ANO2: variants seen among roughly 807,000 people sequenced by gnomAD.
ANO2 encodes the protein anoctamin-2.
Under a neutral mutation model 124.2 loss-of-function variants are expected in ANO2, and 101 were observed. The ratio of observed to expected loss-of-function variants is 0.81; its 90% CI spans 0.69 to 0.96. ANO2 has a LOEUF of 0.96. Among genes scored for constraint, ANO2 ranks in the 40% least tolerant of loss-of-function variants. The probability of loss-of-function intolerance (pLI) is 0.00; values close to 1 mark genes in which losing one functional copy is unlikely to be tolerated. For missense variants in ANO2, 1,293 were observed against 1,274.5 expected (o/e 1.01, Z -0.22); for synonymous variants, 486 against 482.5 (o/e 1.01, Z -0.09).
At chr12:5,834,936 T>A (rs1181621956) in intron 4 of ANO2, among the ~76,000 whole-genome samples, 1 of 152,200 alleles carries the variant, frequency 6.6e-6, no homozygotes, top group Non-Finnish European at 1.5e-5. Flanking sequence ...TCATTTAGCA[T>A]CATATCATAG....
intron 5 of ANO2, among the ~76,000 whole-genome samples, chr12:5,831,581 G>A (rs915715094): frequency 2.6e-5 from 4 of 152,094 alleles, no homozygotes; most frequent in African/African-American, 9.7e-5. Context: ...GATCTGGCCC[G>A]CCACCACGCA....
intron 14 of ANO2, among the ~76,000 whole-genome samples, chr12:5,694,974 T>C (rs904154039): frequency 9.2e-5 from 14 of 152,028 alleles, no homozygotes; most frequent in African/African-American, 3.1e-4. Context: ...ATGAAGTGAG[T>C]TGGCACTTGT....
At chr12:5,937,644 ATTTTT>A (rs922116326) in intron 1 of ANO2, among the ~76,000 whole-genome samples, 1 of 148,644 alleles carries the variant, frequency 6.7e-6, no homozygotes, top group African/African-American at 2.5e-5. Context: ...GGGGGTTGGA[ATTTTT>A]TTTTTTAACT....
intron 14 of ANO2, among the ~76,000 whole-genome samples, chr12:5,667,953 T>C (rs12580115): frequency 0.1 from 15,439 of 152,258 alleles, 1,034 homozygotes; most frequent in African/African-American, 0.18. Flanking sequence ...CACTCTATCA[T>C]TGATGGACAT....
At chr12:5,567,090 C>A (rs1300632956) in intron 23 of ANO2, among the ~76,000 whole-genome samples, 4 of 152,210 alleles carry the variant, frequency 2.6e-5, no homozygotes, top group African/African-American at 9.6e-5. Context: ...CAGAAAGACA[C>A]AACTGAGAGG....
intron 12 of ANO2, among the ~76,000 whole-genome samples, 197 bp from the exon 13 acceptor site, chr12:5,739,596 TACAC>T (rs71064167): frequency 0.13 from 18,643 of 145,100 alleles, 1,450 homozygotes; most frequent in African/African-American, 0.23. Flanking sequence ...ATAGATATGT[TACAC>T]ACACACACAC....
chr12:5,780,450 T>C (rs1455397134), intron 10 of ANO2, among the ~76,000 whole-genome samples: 3 of 152,248 alleles, frequency 2.0e-5, no homozygotes, highest in African/African-American at 7.2e-5. Flanking sequence ...TCATTTGATC[T>C]GCGCCCTGGC....
intron 14 of ANO2, among the ~76,000 whole-genome samples, chr12:5,659,916 T>C (rs1947354879): frequency 6.6e-6 from 1 of 152,114 alleles, no homozygotes; most frequent in African/African-American, 2.4e-5. Context: ...CCCTTTTATT[T>C]TGTGATAGTG....
At chr12:5,881,752 T>C (rs1201908993) in intron 3 of ANO2, 1 of 152,142 alleles carries the variant, frequency 6.6e-6, no homozygotes, top group African/African-American at 2.4e-5. Context: ...GGCTAACCAA[T>C]CAAACCATAA....
intron 14 of ANO2, among the ~76,000 whole-genome samples, chr12:5,728,781 T>C (rs748185700): frequency 5.9e-5 from 9 of 152,180 alleles, no homozygotes; most frequent in Non-Finnish European, 1.3e-4. Flanking sequence ...TGGTACTACA[T>C]AAGAACAGAC....
intron 14 of ANO2, among the ~76,000 whole-genome samples, chr12:5,692,369 G>T (rs574600556): frequency 3.3e-5 from 5 of 152,100 alleles, no homozygotes; most frequent in Non-Finnish European, 7.4e-5. Context: ...TTAAGCTGGA[G>T]ATTTGGATGA....
intron 14 of ANO2, among the ~76,000 whole-genome samples, chr12:5,683,647 C>T (rs1450091138): frequency 2.0e-5 from 3 of 152,042 alleles, no homozygotes; most frequent in South Asian, 2.1e-4. Context: ...GTCGCCATAC[C>T]GTTTACTTAT....
At chr12:5,821,020 C>T (rs764999515) in intron 7 of ANO2, among the ~76,000 whole-genome samples, 1 of 152,240 alleles carries the variant, frequency 6.6e-6, no homozygotes, top group Non-Finnish European at 1.5e-5. Flanking sequence ...TATATCAACT[C>T]TCCAGCTTTG....
chr12:5,868,651 C>T lies in ANO2; in HGVS notation c.535-14510G>A, dbSNP rs141058790. Among the ~76,000 whole-genome samples, 372 of 152,248 alleles carry T rather than the reference C, an allele frequency of 2.4e-3. 2 individuals carry two copies. The highest frequency in any genetic ancestry group is 8.7e-3 in the African/African-American group (363 of 41,528). ...CCTTTTTTCCTAGAAAAAGCTGGCT[C>T]CTGGGGCATTTTCTCCCCCTCTATG... On this transcript the variant is annotated intron_variant, in intron 3 of 24. Coordinates refer to ENST00000682330, the MANE Select transcript of ANO2 (RefSeq NM_001364791.2).
intron 3 of ANO2, among the ~76,000 whole-genome samples, chr12:5,868,208 G>T (rs954891684): frequency 5.9e-5 from 9 of 152,110 alleles, no homozygotes; most frequent in Middle Eastern, 3.4e-3. Context: ...ACCCACAAAA[G>T]TTAAAAATGT....
rs78424117 is a variant in ANO2, at chr12:5,785,333, A to C, written c.1055+14174T>G. The stretch of plus-strand genomic sequence containing the variant: ...CACGCAGCTACAAAGCCTGAGGATA[A>C]ATCTTCAGGGGGATACTGGGGGACA... On this transcript the variant is annotated intron_variant, in intron 10 of 24. Transcript: ENST00000682330. Among the ~76,000 whole-genome samples, 521 of 152,104 alleles carry C rather than the reference A, an allele frequency of 3.4e-3. 2 individuals carry two copies. Among genetic ancestry groups the C allele is most frequent in the Admixed American group, 5.6e-3 (86 of 15,280 alleles).
At chr12:5,593,083 G>A (rs934021179) in intron 20 of ANO2, among the ~76,000 whole-genome samples, 24 of 152,316 alleles carry the variant, frequency 1.6e-4, no homozygotes, top group African/African-American at 4.6e-4. Flanking sequence ...CCAAATGAAT[G>A]AATAAGTAAA....
chr12:5,617,005 G>T (rs1489397745), intron 16 of ANO2, among the ~76,000 whole-genome samples: 1 of 150,294 alleles, frequency 6.7e-6, no homozygotes, highest in Non-Finnish European at 1.5e-5. Context: ...AGACCACATA[G>T]TACCACACTC....
chr12:5,629,500 T>C (rs1346048679), intron 16 of ANO2, among the ~76,000 whole-genome samples: 1 of 152,174 alleles, frequency 6.6e-6, no homozygotes, highest in Non-Finnish European at 1.5e-5. Context: ...GTCAGCTCCA[T>C]TGCTCTTTCT....
Sources: gnomAD v4.1 joint callset for allele counts (sites outside exome capture counted in the v4.1 genomes callset) on GRCh38, gnomAD v4.1.1 for gene constraint, MANE v1.5 for transcripts, NCBI Gene and HGNC (gene_info 2026-07-23, HGNC 2026-07-21) for gene names.